TTC27: variants seen among roughly 807,000 people sequenced by gnomAD.
TTC27 encodes tetratricopeptide repeat protein 27.
TTC27 carries 79 observed loss-of-function variants against 115.9 expected under a neutral mutation model. The ratio of observed to expected loss-of-function variants is 0.68; its 90% CI spans 0.57 to 0.82. The LOEUF (loss-of-function observed/expected upper bound fraction) is 0.82, where lower values mean the gene tolerates loss of function less well. TTC27 is among the 40% of genes least tolerant of loss of function. The pLI is 0.00. For synonymous variants in TTC27, 401 were observed against 356.0 expected (o/e 1.13, Z -1.42); for missense variants, 1,054 against 993.1 (o/e 1.06, Z -0.82).
chr2:32,648,075 G>A (rs574629466), intron 4 of TTC27, among the ~76,000 whole-genome samples: 3 of 152,010 alleles, frequency 2.0e-5, no homozygotes, highest in Admixed American at 6.6e-5. Context: ...GATTTTTTCC[G>A]CTGGAGGAGG....
In TTC27 at chr2:32,814,068, A is replaced by G. The variant is rs908754688; in HGVS notation, c.2308+1453A>G. 3.9e-5 allele frequency among the ~76,000 whole-genome samples: 6 copies of G among 152,324 alleles called. No homozygotes were observed. The South Asian group carries it at 8.3e-4, about 21-fold the overall frequency. ...CTGATGTATTAGGTACATAATTAGC[A>G]GGATGGGATTTACTTTGAAAAATTT... is the stretch of plus-strand genomic sequence containing the variant. On this transcript the variant is annotated intron_variant, in intron 18 of 19. Coordinates refer to ENST00000317907, the MANE Select transcript of TTC27 (RefSeq NM_017735.5).
In TTC27 at chr2:32,779,229, A is replaced by C. The variant is rs78702563; in HGVS notation, c.1779+1249A>C. On this transcript the variant is annotated intron_variant, in intron 14 of 19. Transcript: ENST00000317907. ...CAGAGCAAGATTCTGTCTCAAAAAA[A>C]AAACAAACAAATAAAAAACAAAGTA... 9.4e-3 allele frequency among the ~76,000 whole-genome samples: 1,430 copies of C among 152,068 alleles called. 12 individuals are homozygous for C. Among genetic ancestry groups the C allele is most frequent in the Middle Eastern group, 0.024 (7 of 294 alleles).
At chr2:32,655,503 A>T (rs1321015925) in intron 5 of TTC27, among the ~76,000 whole-genome samples, 1 of 152,182 alleles carries the variant, frequency 6.6e-6, no homozygotes, top group Non-Finnish European at 1.5e-5. Flanking sequence ...GAACTCAAGC[A>T]GTTCACTTGA....
At chr2:32,796,858 A>AT (rs112981450) in intron 16 of TTC27, among the ~76,000 whole-genome samples, 28 of 151,576 alleles carry the variant, frequency 1.8e-4, no homozygotes, top group Middle Eastern at 6.8e-3. Context: ...TGGTCAAAGG[A>AT]TTTTTTTTTC....
At chr2:32,752,015 G>T (rs188337651) in intron 12 of TTC27, among the ~76,000 whole-genome samples, 6 of 152,162 alleles carry the variant, frequency 3.9e-5, no homozygotes, top group African/African-American at 2.4e-5. Flanking sequence ...CACTACTTAA[G>T]ATCCATGCTA....
chr2:32,738,413 T>G (rs1668517320), intron 12 of TTC27, among the ~76,000 whole-genome samples: 1 of 152,252 alleles, frequency 6.6e-6, no homozygotes, highest in Non-Finnish European at 1.5e-5. Flanking sequence ...TTACTTGCTG[T>G]GATTCTACGA....
intron 10 of TTC27, among the ~76,000 whole-genome samples, chr2:32,710,727 C>T (rs1361463300): frequency 6.6e-6 from 1 of 151,912 alleles, no homozygotes; most frequent in African/African-American, 2.4e-5. Context: ...CCACGCCCAG[C>T]CTGTATATAC....
chr2:32,652,380 T>TATAA (rs1193650790), intron 5 of TTC27, among the ~76,000 whole-genome samples: 4 of 151,642 alleles, frequency 2.6e-5, no homozygotes, highest in Non-Finnish European at 5.9e-5. Flanking sequence ...CAAAAAAATA[T>TATAA]ATAAATAAAT....
chr2:32,647,114 A>C (rs1289879717), intron 4 of TTC27, among the ~76,000 whole-genome samples: 1 of 151,600 alleles, frequency 6.6e-6, no homozygotes. Flanking sequence ...TCAGCTACCT[A>C]AAAAACAATT....
chr2:32,679,022 C>T (rs1321244000), intron 9 of TTC27, 100 bp downstream of exon 9: 2 of 979,876 alleles, frequency 2.0e-6, no homozygotes, highest in Non-Finnish European at 1.6e-6. Context: ...AACACTGCCA[C>T]CTAAGGAAAT....
chr2:32,732,506 G>A (rs1270830003), intron 10 of TTC27, among the ~76,000 whole-genome samples: 1 of 152,112 alleles, frequency 6.6e-6, no homozygotes, highest in Non-Finnish European at 1.5e-5. Flanking sequence ...CTCAGAAACT[G>A]GTCTCCCTGT....
chr2:32,732,548 C>T (rs575238446), intron 10 of TTC27, among the ~76,000 whole-genome samples: 5 of 152,230 alleles, frequency 3.3e-5, no homozygotes, highest in East Asian at 3.9e-4. Context: ...GGTAGATTCC[C>T]GTCCTTTTTT....
At chr2:32,728,134 G>T (rs756142997) in intron 10 of TTC27, among the ~76,000 whole-genome samples, 1 of 147,942 alleles carries the variant, frequency 6.8e-6, no homozygotes. Flanking sequence ...TCCACCTCCC[G>T]GGTTCACACC....
At chr2:32,689,984 G>A (rs189340259) in intron 9 of TTC27, among the ~76,000 whole-genome samples, 120 of 152,266 alleles carry the variant, frequency 7.9e-4, no homozygotes, top group African/African-American at 2.7e-3. Context: ...TATTGGTCAT[G>A]TGGCAAAATA....
chr2:32,703,286 G>A (rs1047644137), intron 10 of TTC27, among the ~76,000 whole-genome samples: 5 of 152,200 alleles, frequency 3.3e-5, no homozygotes, highest in Non-Finnish European at 7.4e-5. Flanking sequence ...GGCCAACATG[G>A]TGAAACCCCG....
chr2:32,708,304 G>GTTTTTTTTTGTTTTTTTTTTTTTTTTTT (rs1667450512), intron 10 of TTC27, among the ~76,000 whole-genome samples: 1 of 61,348 alleles, frequency 1.6e-5, no homozygotes, highest in Non-Finnish European at 3.1e-5. Context: ...TCTCTACCTT[G>GTTTTTTTTTGTTTTTTTTTTTTTTTTTT]TTTTTTTTTT....
chr2:32,713,644 T>C (rs1253697737), intron 10 of TTC27, among the ~76,000 whole-genome samples: 1 of 152,232 alleles, frequency 6.6e-6, no homozygotes, highest in African/African-American at 2.4e-5. Flanking sequence ...AATTGGAAAT[T>C]TGAGATTATT....
chr2:32,630,524 G>C lies in TTC27; in HGVS notation c.90G>C (p.Glu30Asp). ...QWKQEGVVGS[E>D]SGSFLQLLLE... is the part of the protein sequence containing the mutation. ...CCGCACTAATTTTTTATATTACAGAGAGTGGATCTTTCCTACAATTGCTAC... is the reference window on the plus strand; with the variant it reads ...CCGCACTAATTTTTTATATTACAGACAGTGGATCTTTCCTACAATTGCTAC... Residue 30 changes from glutamate to aspartate, a missense_variant and splice_region_variant, in exon 2 of 20, where the codon GAG becomes GAC. Transcript: ENST00000317907. 1.2e-6 allele frequency: 2 copies of C among 1,603,848 alleles called. No individual in the cohort carries two copies. The highest frequency in any genetic ancestry group is 1.7e-6 in the Non-Finnish European group (2 of 1,175,980).
In TTC27 at chr2:32,811,176, C is replaced by T. The variant is rs191393726; in HGVS notation, c.2151C>T (p.His717=). The change falls in exon 17 of 20, where the codon CAC becomes CAT. Residue 717 remains histidine, a synonymous_variant. Coordinates refer to ENST00000317907, the MANE Select transcript of TTC27 (RefSeq NM_017735.5). The part of the protein sequence containing the change: ...NDGEIWRLYA[H]VYGNGQSEKP... ...GAGAAATCTGGAGGCTGTATGCCCA[C>T]GTATATGGAAATGGGCAGAGTGAAA... The T allele has an allele frequency of 1.2e-5, 19 of 1,614,028 alleles. No homozygotes were observed. Among genetic ancestry groups the T allele is most frequent in the Middle Eastern group, 1.6e-4 (1 of 6,062 alleles).
Sources: gnomAD v4.1 joint callset for allele counts (sites outside exome capture counted in the v4.1 genomes callset) on GRCh38, gnomAD v4.1.1 for gene constraint, MANE v1.5 for transcripts, NCBI Gene and HGNC (gene_info 2026-07-23, HGNC 2026-07-21) for gene names.